The following DCHS2 variants were observed in gnomAD, a reference collection of about 807,000 sequenced individuals.
The protein encoded by DCHS2 is protocadherin-23.
Under a neutral mutation model 182.4 loss-of-function variants are expected in DCHS2, and 142 were observed. That is an observed-to-expected ratio of 0.78 (90% CI 0.68 to 0.89). DCHS2 has a LOEUF of 0.89. DCHS2 is among the 40% of genes least tolerant of loss of function. The pLI is 0.00. For missense variants in DCHS2, 4,319 were observed against 4,198.6 expected, an observed-to-expected ratio of 1.03 and a Z score of -0.79; for synonymous variants, 1,740 against 1,663.3, an observed-to-expected ratio of 1.05 and a Z score of -1.12.
rs771117759 is a variant in DCHS2, at chr4:154,327,359, G to A, written c.4018+734C>T. ...AGTTTTAAAAATACCAGTGAGTTTC[G>A]TATGTTGACATTATTCTCAGAAAAT... On this transcript the variant is annotated intron_variant, in intron 7 of 19. Coordinates refer to ENST00000357232, the MANE Select transcript of DCHS2 (RefSeq NM_001358235.2). Among the ~76,000 whole-genome samples, 9 of 152,030 alleles carry A rather than the reference G, an allele frequency of 5.9e-5. No homozygotes were observed. The South Asian group carries it at 6.2e-4, about 11-fold the overall frequency.
At position 154,445,792 on chromosome 4, in the gene DCHS2, T is replaced by C. The variant is rs181960887; in HGVS notation, c.2052+43512A>G. 6.6e-3 allele frequency among the ~76,000 whole-genome samples: 856 copies of C among 130,172 alleles called. 6 individuals are homozygous for C. Among genetic ancestry groups the C allele is most frequent in the African/African-American group, 0.01 (338 of 33,672 alleles). The allele number at this position is 130,172 out of a possible 152,430, so 85.4% of individuals were successfully genotyped here. A position where few individuals can be genotyped will look rare whatever the true frequency, so the allele number is the denominator to read the frequency against. On this transcript the variant is annotated intron_variant, in intron 1 of 19. Transcript: ENST00000357232. ...GGCCACTGAGCTCCAGCCTGAGTGA[T>C]AGAGCAAGACACTGTCAAAAAAAAA...
At chr4:154,323,156 A>C in intron 7 of DCHS2, 1 of 1,506,832 alleles carries the variant, frequency 6.6e-7, no homozygotes. Context: ...TTGCTGTTGC[A>C]TCTCCAACGT....
At chr4:154,413,211 C>G (rs1732700742) in intron 1 of DCHS2, among the ~76,000 whole-genome samples, 1 of 152,178 alleles carries the variant, frequency 6.6e-6, no homozygotes, top group Non-Finnish European at 1.5e-5. Context: ...TTCTTCCTTT[C>G]CAACTATTAA....
rs540886796 is a variant in DCHS2 at position 154,436,766 on chromosome 4, G to C, written c.2052+52538C>G. On this transcript the variant is annotated intron_variant, in intron 1 of 19. Transcript: ENST00000357232. ...ATATGGTAGCTAGTAGCCACACTTGGTTACTAAGTGCTTGAAATGTGGCTG... is the reference window on the plus strand; with the variant it reads ...ATATGGTAGCTAGTAGCCACACTTGCTTACTAAGTGCTTGAAATGTGGCTG... Among the ~76,000 whole-genome samples, 105 of 152,234 alleles carry C rather than the reference G, an allele frequency of 6.9e-4. 1 individual carries two copies. Among genetic ancestry groups the C allele is most frequent in the African/African-American group, 2.3e-3 (96 of 41,540 alleles).
chr4:154,311,577 ACAAT>A (rs1735675080), intron 10 of DCHS2, among the ~76,000 whole-genome samples: 3 of 152,140 alleles, frequency 2.0e-5, no homozygotes, highest in Admixed American at 2.0e-4. Flanking sequence ...CAATGTCCTC[ACAAT>A]CAGGCATTTC....
chr4:154,347,612 A>T (rs1729419383), intron 3 of DCHS2, among the ~76,000 whole-genome samples: 1 of 151,864 alleles, frequency 6.6e-6, no homozygotes, highest in African/African-American at 2.4e-5. Flanking sequence ...CCTTAATACA[A>T]TACTAGTTCC....
At chr4:154,413,718 T>G (rs1200597877) in intron 1 of DCHS2, among the ~76,000 whole-genome samples, 2 of 152,304 alleles carry the variant, frequency 1.3e-5, no homozygotes, top group East Asian at 3.9e-4. Context: ...AGGCCCTCAC[T>G]GAAGGTCAGA....
rs952886589 is a variant in DCHS2, at chr4:154,329,537, C to A, written c.3904G>T (p.Glu1302Ter). The A allele has an allele frequency of 1.2e-6, 2 of 1,613,214 alleles. No homozygotes were observed. The highest frequency in any genetic ancestry group is 1.3e-5 in the African/African-American group (1 of 74,908). The part of the protein sequence containing the change: ...PFFPQCLPGK[E>*]LHVKVLEGQP... ...TCTTCACAAACCTTCACGTGTAACT[C>A]CTTTCCAGGGAGACACTGGGGGAAG... Residue 1302 changes from glutamate to a stop codon, truncating the protein, a stop_gained, in exon 6 of 20, where the codon GAG (glutamate) becomes TAG (stop). Transcript: ENST00000357232. LOFTEE classifies it high-confidence loss of function.
At position 154,323,067 on chromosome 4, in the gene DCHS2, C is replaced by T. The variant is rs551341152; in HGVS notation, c.4019-579G>A. The T allele has an allele frequency of 4.9e-6, 4 of 824,190 alleles. No individual in the cohort carries two copies. In the South Asian group the frequency reaches 9.5e-5, roughly 20 times the overall value. 51.1% of individuals were successfully genotyped at this position (824,190 alleles called of 1,614,324 possible). A position where few individuals can be genotyped will look rare whatever the true frequency, so the allele number is the denominator to read the frequency against. ...TTCTTTAATCTATGGATTCCTGCCA[C>T]CCATCTCTCTATTTGTCCTTGCAAT... On this transcript the variant is annotated intron_variant, in intron 7 of 19. Transcript: ENST00000357232.
intron 1 of DCHS2, among the ~76,000 whole-genome samples, chr4:154,439,118 C>G (rs1287689602): frequency 6.6e-6 from 1 of 152,148 alleles, no homozygotes; most frequent in Non-Finnish European, 1.5e-5. Context: ...AAGAATTTGA[C>G]AATACATTTA....
intron 13 of DCHS2, among the ~76,000 whole-genome samples, chr4:154,292,272 A>G (rs890328791): frequency 3.9e-5 from 6 of 152,200 alleles, no homozygotes; most frequent in Non-Finnish European, 8.8e-5. Context: ...AGCTATTGCC[A>G]CTTTCCTTTC....
At chr4:154,384,232 G>A in intron 1 of DCHS2, 2 of 1,376,434 alleles carry the variant, frequency 1.5e-6, no homozygotes, top group South Asian at 1.4e-5. Context: ...AAAGTCTAAT[G>A]ATCGAGGCTT....
chr4:154,308,424 C>T (rs534826305), intron 10 of DCHS2, among the ~76,000 whole-genome samples: 38 of 152,272 alleles, frequency 2.5e-4, no homozygotes, highest in African/African-American at 7.9e-4. Flanking sequence ...CTGGCCATCA[C>T]GCCATTGTCA....
intron 10 of DCHS2, among the ~76,000 whole-genome samples, chr4:154,305,959 T>G (rs1025380622): frequency 6.6e-6 from 1 of 152,290 alleles, no homozygotes; most frequent in South Asian, 2.1e-4. Flanking sequence ...CCTATGTTCC[T>G]TTCTTAACTG....
chr4:154,304,744 G>C lies in DCHS2; in HGVS notation c.5530C>G (p.Pro1844Ala), dbSNP rs1204019864. The change falls in exon 12 of 20, where the codon CCA becomes GCA. Residue 1844 changes from proline to alanine, a missense_variant. Coordinates refer to ENST00000357232, the MANE Select transcript of DCHS2 (RefSeq NM_001358235.2). ...GCTAAAACCGTATAGACAACCTCTG[G>C]TTCCTGGTTTTCCAGAACCTCAATG... ...YDIEVLENQEPEVVYTVLASD... is the reference protein window; with the variant it reads ...YDIEVLENQEAEVVYTVLASD... The C allele has an allele frequency of 6.2e-7, 1 of 1,614,036 alleles. No homozygotes were observed.
intron 1 of DCHS2, chr4:154,384,346 T>G (rs1439638705): frequency 6.2e-7 from 1 of 1,607,804 alleles, no homozygotes; most frequent in Admixed American, 1.7e-5. Context: ...CTCCTCCTCA[T>G]GCACCACCTG....
At position 154,236,527 on chromosome 4, in the gene DCHS2, C is replaced by CATT; in HGVS notation, c.8122_8124dup (p.Asn2708dup). 1 of 1,614,006 alleles carries CATT rather than the reference C, an allele frequency of 6.2e-7. No individual in the cohort carries two copies. The highest frequency in any genetic ancestry group is 8.5e-7 in the Non-Finnish European group (1 of 1,179,956). On this transcript the variant is annotated inframe_insertion, in exon 20 of 20. Coordinates refer to ENST00000357232, the MANE Select transcript of DCHS2 (RefSeq NM_001358235.2). ...TCTTCTAAGTAAAAATGTCCCTTCTCATTTCCAGAGATGATGTTGTAGATG... is the reference window on the plus strand; with the variant it reads ...TCTTCTAAGTAAAAATGTCCCTTCTCATTATTTCCAGAGATGATGTTGTAGATG...
chr4:154,454,478 C>A (rs1734681176), intron 1 of DCHS2, among the ~76,000 whole-genome samples: 1 of 152,172 alleles, frequency 6.6e-6, no homozygotes, highest in East Asian at 1.9e-4. Flanking sequence ...CTATTAACCC[C>A]AAATTAAATA....
At chr4:154,472,509 T>C (rs1735512524) in intron 1 of DCHS2, among the ~76,000 whole-genome samples, 1 of 152,182 alleles carries the variant, frequency 6.6e-6, no homozygotes, top group Non-Finnish European at 1.5e-5. Flanking sequence ...TGTCAACATA[T>C]TAGAAAGTCC....
Sources: allele counts gnomAD v4.1 joint callset (sites outside exome capture counted in the v4.1 genomes callset), GRCh38; gene constraint gnomAD v4.1.1; transcripts MANE v1.5; gene names NCBI Gene and HGNC (gene_info 2026-07-23, HGNC 2026-07-21).